Variants in NBAS observed in about 807,000 individuals in gnomAD.
NBAS encodes the protein NBAS subunit of NRZ tethering complex.
In NBAS, 219 loss-of-function variants were observed where a neutral mutation model predicts 302.5. The ratio of observed to expected loss-of-function variants is 0.72; its 90% CI spans 0.65 to 0.81. The LOEUF (loss-of-function observed/expected upper bound fraction) is 0.81. Ranked by LOEUF, NBAS falls within the 30% of genes least tolerant of loss-of-function variation. The probability of loss-of-function intolerance (pLI) is 0.00; values close to 1 mark genes in which losing one functional copy is unlikely to be tolerated. For missense variants in NBAS, 2,932 were observed against 2,841.6 expected, an observed-to-expected ratio of 1.03 and a Z score of -0.72; for synonymous variants, 1,118 against 1,021.6, an observed-to-expected ratio of 1.09 and a Z score of -1.80.
At chr2:15,329,857 C>T (rs1672242006) in intron 36 of NBAS, among the ~76,000 whole-genome samples, 1 of 152,180 alleles carries the variant, frequency 6.6e-6, no homozygotes, top group Non-Finnish European at 1.5e-5. Context: ...AGTATTTACC[C>T]ACCTTGCTTA....
the NBAS span, among the ~76,000 whole-genome samples, chr2:15,038,811 G>T: frequency 6.6e-6 from 1 of 152,206 alleles, no homozygotes; most frequent in East Asian, 1.9e-4. Context: ...ACTCCATGCT[G>T]CCTGGCCAGA....
chr2:15,547,502 C>T (rs1326384313), intron 6 of NBAS, among the ~76,000 whole-genome samples: 2 of 152,130 alleles, frequency 1.3e-5, no homozygotes, highest in Non-Finnish European at 2.9e-5. Flanking sequence ...CCACATTAAC[C>T]ATACACACTA....
the NBAS span, among the ~76,000 whole-genome samples, chr2:15,124,148 G>T: frequency 6.6e-6 from 1 of 152,220 alleles, no homozygotes; most frequent in Non-Finnish European, 1.5e-5. Context: ...AAAGAGCTTG[G>T]CTGCATTGTC....
At chr2:15,500,512 A>T (rs1661470080) in intron 11 of NBAS, among the ~76,000 whole-genome samples, 1 of 151,050 alleles carries the variant, frequency 6.6e-6, no homozygotes, top group South Asian at 2.1e-4. Flanking sequence ...TCACACACAC[A>T]CACACACACA....
the NBAS span, among the ~76,000 whole-genome samples, chr2:14,785,433 T>A: frequency 1.3e-5 from 2 of 152,202 alleles, no homozygotes; most frequent in Non-Finnish European, 2.9e-5. Context: ...TTTTGCCCAT[T>A]CAGTATGATA....
chr2:15,027,409 A>G, the NBAS span, among the ~76,000 whole-genome samples: 2 of 149,138 alleles, frequency 1.3e-5, no homozygotes, highest in African/African-American at 4.9e-5. Context: ...TATACTTTAG[A>G]CTTTTCAATA....
At chr2:14,923,448 T>C in the NBAS span, among the ~76,000 whole-genome samples, 53 of 152,218 alleles carry the variant, frequency 3.5e-4, no homozygotes, top group East Asian at 9.7e-3. Context: ...GGCAAATCCT[T>C]CATCCATCAC....
At chr2:15,176,635 T>A (rs1664554642) in intron 51 of NBAS, among the ~76,000 whole-genome samples, 1 of 152,230 alleles carries the variant, frequency 6.6e-6, no homozygotes, top group Non-Finnish European at 1.5e-5. Flanking sequence ...TTGGAATATT[T>A]GCATTATACT....
At chr2:15,346,780 A>G (rs1403849169) in intron 35 of NBAS, among the ~76,000 whole-genome samples, 1 of 152,242 alleles carries the variant, frequency 6.6e-6, no homozygotes, top group East Asian at 1.9e-4. Context: ...GACTGGATAA[A>G]GAAAATGTGG....
chr2:15,385,703 T>C (rs762228110), intron 28 of NBAS, among the ~76,000 whole-genome samples: 50 of 152,320 alleles, frequency 3.3e-4, no homozygotes, highest in Non-Finnish European at 6.8e-4. Context: ...CCCTTTAGAA[T>C]ATGTATAAGA....
chr2:15,382,314 C>T (rs1558289197), intron 29 of NBAS, among the ~76,000 whole-genome samples: 2 of 152,124 alleles, frequency 1.3e-5, no homozygotes, highest in Admixed American at 1.3e-4. Context: ...CTTACGTATC[C>T]TTTATATTCC....
the NBAS span, among the ~76,000 whole-genome samples, chr2:15,115,155 T>C: frequency 6.6e-6 from 1 of 152,204 alleles, no homozygotes; most frequent in Non-Finnish European, 1.5e-5. Flanking sequence ...ATAGCACATA[T>C]ACACAAGACA....
chr2:15,224,844 C>T (rs1667089316), intron 47 of NBAS, among the ~76,000 whole-genome samples: 2 of 152,192 alleles, frequency 1.3e-5, no homozygotes, highest in South Asian at 4.1e-4. Flanking sequence ...AACTGACCCA[C>T]ATACTATGCA....
chr2:15,159,803 GCACACACACACA>G, the NBAS span, among the ~76,000 whole-genome samples: 1 of 147,322 alleles, frequency 6.8e-6, no homozygotes, highest in Non-Finnish European at 1.5e-5. Context: ...ACACACGCGT[GCACACACACACA>G]CACACACACA....
intron 25 of NBAS, among the ~76,000 whole-genome samples, chr2:15,412,922 G>A (rs751831692): frequency 3.3e-5 from 5 of 152,048 alleles, no homozygotes; most frequent in East Asian, 1.9e-4. Flanking sequence ...ACTATCCCAA[G>A]CCCAATCCAA....
At chr2:15,228,459 C>T (rs1667236583) in intron 47 of NBAS, among the ~76,000 whole-genome samples, 1 of 152,170 alleles carries the variant, frequency 6.6e-6, no homozygotes. Flanking sequence ...AATAGGACTA[C>T]CATTTGATGC....
chr2:15,556,810 A>C lies in NBAS; in HGVS notation c.182T>G (p.Leu61Ter), dbSNP rs776078297. Residue 61 changes from leucine to a stop codon, truncating the protein, a stop_gained, in exon 3 of 52, where the codon TTA becomes TGA. Transcript: ENST00000281513. LOFTEE classifies it high-confidence loss of function. ...IITKAIRDRL[L>*]FLRQYIWYSP... is the part of the protein sequence containing the mutation. ...GTACCAGATGTATTGGCGTAAAAATAATAAACGATCTGTAATCAAAAGAAA... is the reference window on the plus strand; with the variant it reads ...GTACCAGATGTATTGGCGTAAAAATCATAAACGATCTGTAATCAAAAGAAA... 1.2e-6 allele frequency: 2 copies of C among 1,611,072 alleles called. No homozygotes were observed. Among genetic ancestry groups the C allele is most frequent in the Non-Finnish European group, 8.5e-7 (1 of 1,177,444 alleles).
At chr2:14,874,647 G>GAAA in the NBAS span, among the ~76,000 whole-genome samples, 3 of 100,290 alleles carry the variant, frequency 3.0e-5, no homozygotes, top group African/African-American at 1.1e-4. Context: ...CTCAAAAAAA[G>GAAA]AAAAAAAAAA....
intron 48 of NBAS, among the ~76,000 whole-genome samples, chr2:15,208,573 A>C (rs965236239): frequency 6.6e-6 from 1 of 152,192 alleles, no homozygotes; most frequent in South Asian, 2.1e-4. Flanking sequence ...TATTTACAGA[A>C]TATTTCCCCC....
Sources: allele counts gnomAD v4.1 joint callset (sites outside exome capture counted in the v4.1 genomes callset), GRCh38; gene constraint gnomAD v4.1.1; transcripts MANE v1.5; gene names NCBI Gene and HGNC (gene_info 2026-07-23, HGNC 2026-07-21).